The following GAD1 variants were observed in gnomAD, a reference collection of about 807,000 sequenced individuals.
GAD1 encodes glutamate decarboxylase 1.
A neutral mutation model predicts 75.2 loss-of-function variants in GAD1; 35 were observed. The ratio of observed to expected loss-of-function variants is 0.47; its 90% CI spans 0.36 to 0.62. The LOEUF (loss-of-function observed/expected upper bound fraction) is 0.62. Ranked by LOEUF, GAD1 falls within the 20% of genes least tolerant of loss-of-function variation. GAD1 has a pLI of 0.00. For synonymous variants in GAD1, 257 were observed against 271.9 expected (o/e 0.95, Z 0.54); for missense variants, 490 against 758.5 (o/e 0.65, Z 4.16).
rs1041189887 is a variant in GAD1 at position 170,850,292 on chromosome 2, G to C, written c.1184+942G>C. Among the ~76,000 whole-genome samples the C allele has an allele frequency of 2.6e-5, 4 of 152,176 alleles. No individual in the cohort carries two copies. The East Asian group carries it at 7.7e-4, about 29-fold the overall frequency. On this transcript the variant is annotated intron_variant, in intron 12 of 16. Coordinates refer to ENST00000358196, the MANE Select transcript of GAD1 (RefSeq NM_000817.3). Reference sequence around the variant, plus strand: ...CTCATAGTAAAGAAAAATAAAACAGGGTTAGGTAGCAGTGAGTGACAAGGC... The same window carrying C: ...CTCATAGTAAAGAAAAATAAAACAGCGTTAGGTAGCAGTGAGTGACAAGGC...
At chr2:170,858,944 G>T in intron 16 of GAD1, 51 bp downstream of exon 16, 3 of 1,482,040 alleles carry the variant, frequency 2.0e-6, no homozygotes, top group Non-Finnish European at 2.8e-6. Context: ...TCTCTGGCTG[G>T]TCAGGACATC....
intron 6 of GAD1, among the ~76,000 whole-genome samples, chr2:170,842,110 G>A (rs1702530090): frequency 6.6e-6 from 1 of 152,128 alleles, no homozygotes; most frequent in African/African-American, 2.4e-5. Context: ...TGAGAGTAAT[G>A]GCCATGTTCC....
chr2:170,825,224 A>G (rs1701995493), intron 3 of GAD1, among the ~76,000 whole-genome samples: 1 of 152,102 alleles, frequency 6.6e-6, no homozygotes, highest in Non-Finnish European at 1.5e-5. Context: ...CATCTCTACA[A>G]AAACTTTCAA....
chr2:170,821,179 G>C (rs1284585435), intron 2 of GAD1, among the ~76,000 whole-genome samples: 1 of 152,212 alleles, frequency 6.6e-6, no homozygotes, highest in Non-Finnish European at 1.5e-5. Flanking sequence ...AGATTGGAAG[G>C]GGATTTCGTG....
chr2:170,828,173 C>T (rs1275145055), intron 3 of GAD1, among the ~76,000 whole-genome samples: 18 of 113,848 alleles, frequency 1.6e-4, no homozygotes, highest in African/African-American at 5.3e-4. Context: ...CTGTCCTCGC[C>T]CTCCTCTCTC....
chr2:170,831,648 T>G (rs1702230133), intron 5 of GAD1, among the ~76,000 whole-genome samples: 1 of 123,734 alleles, frequency 8.1e-6, no homozygotes, highest in South Asian at 2.6e-4. Context: ...ATACCTATTT[T>G]TATATATAAA....
chr2:170,822,413 T>C (rs1369811320), intron 3 of GAD1, among the ~76,000 whole-genome samples: 1 of 152,190 alleles, frequency 6.6e-6, no homozygotes, highest in Non-Finnish European at 1.5e-5. Context: ...GTGCCCTGCC[T>C]GGGCGCAGAA....
intron 12 of GAD1, chr2:170,852,354 G>T: frequency 3.1e-6 from 1 of 324,674 alleles, no homozygotes; most frequent in Non-Finnish European, 5.9e-6. Context: ...GTTATATAAT[G>T]TGCCCAAGCT....
intron 12 of GAD1, among the ~76,000 whole-genome samples, chr2:170,849,775 G>T (rs1308128260): frequency 6.6e-6 from 1 of 152,244 alleles, no homozygotes; most frequent in African/African-American, 2.4e-5. Context: ...GACAATTGCA[G>T]GTACCCAGGT....
Position 170,857,024 on chromosome 2 carries a change from G to A in GAD1, c.1420G>A (p.Val474Met). The A allele has an allele frequency of 1.2e-6, 2 of 1,613,692 alleles. No individual in the cohort carries two copies. Among genetic ancestry groups the A allele is most frequent in the Non-Finnish European group, 1.7e-6 (2 of 1,179,668 alleles). Residue 474 changes from valine (V) to methionine (M), a missense_variant, in exon 15 of 17, where the codon GTG (valine) becomes ATG (methionine). Val to Met is a conservative substitution (Grantham distance 21). This residue lies in a region of GAD1 where 324 missense variants were observed against 523.9 expected (regional missense o/e 0.62). Transcript: ENST00000358196. ...FWLMWKAKGT[V>M]GFENQINKCL... ...ACTTTTCTCTTTAAAACAGGGCACA[G>A]TGGGATTTGAAAACCAGATCAACAA... is the stretch of plus-strand genomic sequence containing the variant.
intron 2 of GAD1, among the ~76,000 whole-genome samples, chr2:170,819,572 G>A (rs1337927533): frequency 6.6e-6 from 1 of 152,138 alleles, no homozygotes; most frequent in East Asian, 1.9e-4. Context: ...TCCTACCTCT[G>A]TAAAGGCTTG....
intron 5 of GAD1, among the ~76,000 whole-genome samples, chr2:170,831,636 A>G (rs182471681): frequency 0.24 from 29,874 of 123,512 alleles, 3,379 homozygotes; most frequent in South Asian, 0.37. Context: ...GTGTGTGTGT[A>G]TATACCTATT....
chr2:170,841,637 A>G (rs908665660), intron 6 of GAD1, among the ~76,000 whole-genome samples: 3 of 152,258 alleles, frequency 2.0e-5, no homozygotes, highest in African/African-American at 7.2e-5. Context: ...CAGATTGTAA[A>G]CATGGCCCAG....
At chr2:170,833,126 C>A (rs3791859) in intron 5 of GAD1, among the ~76,000 whole-genome samples, 1 of 152,158 alleles carries the variant, frequency 6.6e-6, no homozygotes, top group Non-Finnish European at 1.5e-5. Flanking sequence ...CTTTATTTTC[C>A]CTCTCATTCT....
chr2:170,854,573 T>A (rs4668332), intron 14 of GAD1, among the ~76,000 whole-genome samples: 1 of 152,060 alleles, frequency 6.6e-6, no homozygotes, highest in African/African-American at 2.4e-5. Flanking sequence ...GCTAATTTTT[T>A]AAAAAATATT....
intron 5 of GAD1, among the ~76,000 whole-genome samples, chr2:170,833,686 C>G (rs1702297620): frequency 6.6e-6 from 1 of 152,180 alleles, no homozygotes. Context: ...CTAATATTAT[C>G]TACAAAACCA....
In GAD1 at chr2:170,859,854, A is replaced by C; in HGVS notation, c.1757A>C (p.Glu586Ala). The change falls in exon 17 of 17, where the codon GAG becomes GCG. Residue 586 changes from glutamate to alanine, a missense_variant. Around this residue, in one of 3 missense-constraint regions of GAD1, gnomAD observed 324 missense variants for 523.9 expected, o/e 0.62. Transcript: ENST00000358196. ...TCTGACATTGACTTCCTCATTGAGGAGATAGAAAGACTGGGCCAGGATCTG... is the reference window on the plus strand; with the variant it reads ...TCTGACATTGACTTCCTCATTGAGGCGATAGAAAGACTGGGCCAGGATCTG... ...TQSDIDFLIE[E>A]IERLGQDL The C allele has an allele frequency of 6.2e-7, 1 of 1,614,204 alleles. No individual in the cohort carries two copies.
chr2:170,853,034 T>A lies in GAD1; in HGVS notation c.1263+242T>A. 1 of 573,570 alleles carries A rather than the reference T, an allele frequency of 1.7e-6. No homozygotes were observed. The highest frequency in any genetic ancestry group is 3.1e-6 in the Non-Finnish European group (1 of 320,786). The allele number at this position is 573,570 out of a possible 1,614,324, so 35.5% of individuals were successfully genotyped here. A position where few individuals can be genotyped will look rare whatever the true frequency, so the allele number is the denominator to read the frequency against. The stretch of plus-strand genomic sequence containing the variant: ...CAGGGTCTGTCAGCAACTGAACCTT[T>A]AAGGAAATTATTTAATTGAGTATTC... On this transcript the variant is annotated intron_variant, in intron 13 of 16. Transcript: ENST00000358196. The surrounding 1 kb of genome is among the most constrained non-coding windows in gnomAD (Gnocchi z 4.1).
chr2:170,852,660 A>G, intron 12 of GAD1, 54 bp from the exon 13 acceptor site: 1 of 1,461,648 alleles, frequency 6.8e-7, no homozygotes, highest in Admixed American at 1.7e-5. Flanking sequence ...TCAAGAGAAC[A>G]GTTGCGTCTT....
Sources: gnomAD v4.1 joint callset for allele counts (sites outside exome capture counted in the v4.1 genomes callset) on GRCh38, gnomAD v4.1.1 for gene constraint, gnomAD v4.1.1 regional missense constraint, Gnocchi (gnomAD v3.1) non-coding constraint, MANE v1.5 for transcripts, NCBI Gene and HGNC (gene_info 2026-07-23, HGNC 2026-07-21) for gene names.